Variants in ANKRD36 observed in about 807,000 individuals in gnomAD.
The protein encoded by ANKRD36 is ankyrin repeat domain-containing protein 36A.
A neutral mutation model predicts 278.1 loss-of-function variants in ANKRD36; 179 were observed. The ratio of observed to expected loss-of-function variants is 0.64; its 90% CI spans 0.57 to 0.73. The LOEUF is 0.73. Among genes scored for constraint, ANKRD36 ranks in the 30% least tolerant of loss-of-function variants. The pLI is 0.00. For synonymous variants in ANKRD36, 320 were observed against 641.1 expected, an observed-to-expected ratio of 0.50 and a Z score of 7.57; for missense variants, 1,159 against 1,956.7, an observed-to-expected ratio of 0.59 and a Z score of 7.69.
intron 44 of ANKRD36, 35 bp from the exon 45 acceptor site, chr2:97,200,299 C>T: frequency 1.2e-6 from 2 of 1,607,138 alleles, no homozygotes; most frequent in Non-Finnish European, 1.7e-6. Context: ...ATCATGTTTA[C>T]ATGTGAGTGA....
At chr2:97,128,042 T>C (rs1476441569) in intron 6 of ANKRD36, among the ~76,000 whole-genome samples, 1 of 151,938 alleles carries the variant, frequency 6.6e-6, no homozygotes, top group Non-Finnish European at 1.5e-5. Context: ...AAATCTTGGA[T>C]CATTCATAGG....
intron 52 of ANKRD36, among the ~76,000 whole-genome samples, chr2:97,207,043 T>A (rs1467346431): frequency 6.6e-6 from 1 of 151,616 alleles, no homozygotes; most frequent in Non-Finnish European, 1.5e-5. Flanking sequence ...GATTTCTGAA[T>A]GAAAAACTGA....
At chr2:97,191,571 C>T (rs1323775762) in intron 36 of ANKRD36, among the ~76,000 whole-genome samples, 1 of 151,576 alleles carries the variant, frequency 6.6e-6, no homozygotes, top group South Asian at 2.1e-4. Context: ...ATTGTAATAA[C>T]CCATAGACAC....
At position 97,152,459 on chromosome 2, in the gene ANKRD36, T is replaced by C; in HGVS notation, c.1163-45T>C. On this transcript the variant is annotated intron_variant, in intron 13 of 75. Transcript: ENST00000420699. ...CTTTTATGTTTTTAGTATTCTATAG[T>C]GTTCTATTGTTGATTTAAAATGCAT... is the stretch of plus-strand genomic sequence containing the variant. The C allele has an allele frequency of 4.4e-6, 6 of 1,368,194 alleles. 1 individual carries two copies. Among genetic ancestry groups the C allele is most frequent in the Non-Finnish European group, 6.0e-6 (6 of 997,944 alleles). The allele number at this position is 1,368,194 out of a possible 1,614,324, so 84.8% of individuals were successfully genotyped here.
intron 54 of ANKRD36, among the ~76,000 whole-genome samples, chr2:97,209,153 G>T (rs2063675991): frequency 6.8e-6 from 1 of 146,696 alleles, no homozygotes; most frequent in Non-Finnish European, 1.5e-5. Context: ...GATATCCAAG[G>T]TGATCAATTC....
At chr2:97,184,393 C>CT (rs1292550172) in intron 28 of ANKRD36, among the ~76,000 whole-genome samples, 1 of 151,474 alleles carries the variant, frequency 6.6e-6, no homozygotes, top group Non-Finnish European at 1.5e-5. Context: ...ATTATATTAG[C>CT]TTTTTTCCAA....
In ANKRD36 at chr2:97,202,394, G is replaced by A. The variant is rs1486028803; in HGVS notation, c.2959+1G>A. ...AAGGATGGAGAAAAATCTAGGACAG[G>A]TAATTTTGAAAACAGATTTAATGTC... On this transcript the variant is annotated splice_donor_variant, in intron 48 of 75. Coordinates refer to ENST00000420699, the MANE Select transcript of ANKRD36 (RefSeq NM_001354587.1). LOFTEE classifies it high-confidence loss of function. 17 of 1,548,774 alleles carry A rather than the reference G, an allele frequency of 1.1e-5. No homozygotes were observed. The highest frequency in any genetic ancestry group is 1.7e-4 in the Middle Eastern group (1 of 5,976).
At chr2:97,144,339 A>G (rs1466847043) in intron 8 of ANKRD36, among the ~76,000 whole-genome samples, 179 bp from the exon 9 acceptor site, 2 of 152,234 alleles carry the variant, frequency 1.3e-5, no homozygotes, top group East Asian at 3.8e-4. Flanking sequence ...TGAAGACTAT[A>G]CTTCTGTTTT....
intron 66 of ANKRD36, among the ~76,000 whole-genome samples, chr2:97,223,058 A>G (rs2068212765): frequency 6.7e-6 from 1 of 148,772 alleles, no homozygotes; most frequent in African/African-American, 2.5e-5. Flanking sequence ...TAATTTTTTC[A>G]TTTTTGACAA....
intron 50 of ANKRD36, 146 bp from the exon 51 acceptor site, chr2:97,205,794 T>G: frequency 7.5e-6 from 9 of 1,203,752 alleles, no homozygotes; most frequent in Non-Finnish European, 8.2e-6. Flanking sequence ...TGTGTCATTT[T>G]CTAGTCCCCA....
At position 97,206,728 on chromosome 2, in the gene ANKRD36, G is replaced by T. The variant is rs549361889; in HGVS notation, c.3163+593G>T. Among the ~76,000 whole-genome samples the T allele has an allele frequency of 1.2e-3, 176 of 151,450 alleles. 2 individuals carry two copies. The highest frequency in any genetic ancestry group is 1.3e-3 in the Non-Finnish European group (87 of 67,716). Reference sequence around the variant, plus strand: ...AAGTACTTGATTTTGGCTGCTTCAGGAACTGCTGGAAGAAGGAAGCAATCC... The same window carrying T: ...AAGTACTTGATTTTGGCTGCTTCAGTAACTGCTGGAAGAAGGAAGCAATCC... On this transcript the variant is annotated intron_variant, in intron 52 of 75. Transcript: ENST00000420699.
chr2:97,139,633 G>T (rs1052826995), intron 6 of ANKRD36, among the ~76,000 whole-genome samples: 1 of 152,052 alleles, frequency 6.6e-6, no homozygotes, highest in Non-Finnish European at 1.5e-5. Context: ...TGCTTATGTG[G>T]TTGCTTTTAT....
intron 22 of ANKRD36, among the ~76,000 whole-genome samples, chr2:97,176,125 A>G (rs1201330694): frequency 6.6e-6 from 1 of 151,864 alleles, no homozygotes; most frequent in African/African-American, 2.4e-5. Flanking sequence ...AGAGTTCTGT[A>G]GATGTCTATT....
At chr2:97,231,178 T>A (rs1299316819) in intron 67 of ANKRD36, among the ~76,000 whole-genome samples, 2 of 152,122 alleles carry the variant, frequency 1.3e-5, no homozygotes, top group Non-Finnish European at 2.9e-5. Flanking sequence ...AAAGCTATCA[T>A]ACAGGGACAT....
intron 48 of ANKRD36, among the ~76,000 whole-genome samples, chr2:97,203,793 C>T (rs1383975031): frequency 6.6e-6 from 1 of 151,806 alleles, no homozygotes; most frequent in East Asian, 1.9e-4. Context: ...CATCACTCGG[C>T]ATATCCACAT....
At chr2:97,187,301 T>C in intron 31 of ANKRD36, 28 bp from the exon 32 acceptor site, 1 of 1,596,946 alleles carries the variant, frequency 6.3e-7, no homozygotes, top group Non-Finnish European at 8.5e-7. Context: ...ATTTATTTAT[T>C]TATTATTTTC....
At chr2:97,135,639 G>A (rs2041292306) in intron 6 of ANKRD36, among the ~76,000 whole-genome samples, 1 of 151,096 alleles carries the variant, frequency 6.6e-6, no homozygotes, top group Non-Finnish European at 1.5e-5. Flanking sequence ...TCCTGGATCC[G>A]TGAACCATGA....
chr2:97,121,205 A>G (rs1001581305), intron 3 of ANKRD36, among the ~76,000 whole-genome samples: 1 of 152,042 alleles, frequency 6.6e-6, no homozygotes, highest in Non-Finnish European at 1.5e-5. Flanking sequence ...TTTATAAACT[A>G]TTTTTCTTTA....
chr2:97,221,605 A>G lies in ANKRD36; in HGVS notation c.3877+2359A>G, dbSNP rs200438249. ...TGAGAAGTGTCTGTTCATGTCCTTC[A>G]CCCACTTTTTGATGGGGTTGTTTGT... is the stretch of plus-strand genomic sequence containing the variant. On this transcript the variant is annotated intron_variant, in intron 66 of 75. Coordinates refer to ENST00000420699, the MANE Select transcript of ANKRD36 (RefSeq NM_001354587.1). 4.4e-3 allele frequency among the ~76,000 whole-genome samples: 626 copies of G among 142,068 alleles called. 3 individuals are homozygous for G. Among genetic ancestry groups the G allele is most frequent in the Middle Eastern group, 0.015 (4 of 260 alleles). The allele number at this position is 142,068 out of a possible 152,430, so 93.2% of individuals were successfully genotyped here.
Sources: gnomAD v4.1 joint callset for allele counts (sites outside exome capture counted in the v4.1 genomes callset) on GRCh38, gnomAD v4.1.1 for gene constraint, MANE v1.5 for transcripts, NCBI Gene and HGNC (gene_info 2026-07-23, HGNC 2026-07-21) for gene names.